The following RFX3 variants were observed in gnomAD, a reference collection of about 807,000 sequenced individuals.
RFX3 encodes transcription factor RFX3.
In RFX3, 14 loss-of-function variants were observed where a neutral mutation model predicts 98.6. The ratio of observed to expected loss-of-function variants is 0.14; its 90% CI spans 0.09 to 0.22. The LOEUF is 0.22. RFX3 is among the 10% of genes least tolerant of loss of function. RFX3 has a pLI of 1.00. For missense variants in RFX3, 639 were observed against 926.9 expected (o/e 0.69, Z 4.03); for synonymous variants, 383 against 328.4 (o/e 1.17, Z -1.80).
rs889506629 is a variant in RFX3 at position 3,394,939 on chromosome 9, A to T, written c.117+533T>A. 1.2e-5 allele frequency: 6 copies of T among 520,354 alleles called. No homozygotes were observed. In the African/African-American group the frequency reaches 1.2e-4, roughly 11 times the overall value. 32.2% of individuals were successfully genotyped at this position (520,354 alleles called of 1,614,324 possible). ...GATGAATTCACTCCCAACTTTTTAA[A>T]TAGCTTGAGTCAGATCTCCAGACCT... On this transcript the variant is annotated intron_variant, in intron 2 of 16. Transcript: ENST00000617270.
intron 16 of RFX3, among the ~76,000 whole-genome samples, chr9:3,225,961 G>A (rs1817714918): frequency 6.6e-6 from 1 of 152,112 alleles, no homozygotes; most frequent in African/African-American, 2.4e-5. Flanking sequence ...GAAATTAAAT[G>A]CATTATATAG....
At chr9:3,298,150 G>A (rs1390669266) in intron 5 of RFX3, among the ~76,000 whole-genome samples, 9 of 151,594 alleles carry the variant, frequency 5.9e-5, no homozygotes, top group Non-Finnish European at 1.3e-4. Context: ...CAAATCTAAA[G>A]TACCATTCTA....
rs998616277 is a variant in RFX3, at chr9:3,514,458, TTTTGTTTTGC to T, written c.-9+11279_-9+11288del. ...CCAAGTTGTGTTTTGTTTTGTTTTGTTTTGTTTTGCTTTGTTTTTTTGAGACAGGGTTTCC... is the reference window on the plus strand; with the variant it reads ...CCAAGTTGTGTTTTGTTTTGTTTTGTTTTGTTTTTTTGAGACAGGGTTTCC... On this transcript the variant is annotated intron_variant, in intron 1 of 16. Transcript: ENST00000617270. 5.9e-5 allele frequency among the ~76,000 whole-genome samples: 9 copies of T among 151,678 alleles called. No individual in the cohort carries two copies. In the East Asian group the frequency reaches 7.7e-4, roughly 13 times the overall value.
intron 1 of RFX3, among the ~76,000 whole-genome samples, chr9:3,504,397 GTATATAAAATATATATTATATA>G (rs1816479877): frequency 7.9e-6 from 1 of 126,148 alleles, no homozygotes; most frequent in African/African-American, 3.2e-5. Context: ...AGCATATATT[GTATATAAAATATATATTATATA>G]CCACATAGTA....
At chr9:3,383,480 G>C (rs1234352203) in intron 2 of RFX3, among the ~76,000 whole-genome samples, 1 of 151,956 alleles carries the variant, frequency 6.6e-6, no homozygotes, top group African/African-American at 2.4e-5. Context: ...TCATCTGACT[G>C]CTTTATCTCT....
At chr9:3,493,439 C>T (rs1056901405) in intron 1 of RFX3, among the ~76,000 whole-genome samples, 1 of 151,956 alleles carries the variant, frequency 6.6e-6, no homozygotes, top group Admixed American at 6.6e-5. Flanking sequence ...AATCCCAGCA[C>T]TTTGGGAGGC....
At chr9:3,411,647 TG>T (rs1386226966) in intron 1 of RFX3, among the ~76,000 whole-genome samples, 3 of 150,704 alleles carry the variant, frequency 2.0e-5, no homozygotes, top group African/African-American at 7.4e-5. Context: ...AGCTAATTTT[TG>T]TGTGTGTGTG....
intron 1 of RFX3, among the ~76,000 whole-genome samples, chr9:3,506,137 C>T (rs538129194): frequency 4.0e-5 from 6 of 150,570 alleles, no homozygotes; most frequent in African/African-American, 1.5e-4. Context: ...CTCATCATCT[C>T]GAGAGATGGT....
chr9:3,249,173 A>C (rs1420364171), intron 14 of RFX3, among the ~76,000 whole-genome samples: 1 of 152,180 alleles, frequency 6.6e-6, no homozygotes, highest in Admixed American at 6.6e-5. Flanking sequence ...GCCTCGTTTT[A>C]CAGTAAAGAA....
At chr9:3,294,545 C>A (rs762502471) in intron 5 of RFX3, among the ~76,000 whole-genome samples, 3 of 152,044 alleles carry the variant, frequency 2.0e-5, no homozygotes, top group African/African-American at 2.4e-5. Flanking sequence ...TAAAAAATTT[C>A]TCCATTTTAC....
At chr9:3,251,941 C>T (rs1264582560) in intron 14 of RFX3, among the ~76,000 whole-genome samples, 1 of 151,698 alleles carries the variant, frequency 6.6e-6, no homozygotes, top group Non-Finnish European at 1.5e-5. Context: ...CTCTGCCTCC[C>T]GGGTTCAAGC....
At chr9:3,288,344 T>G in intron 6 of RFX3, 94 bp from the exon 7 acceptor site, 2 of 1,179,342 alleles carry the variant, frequency 1.7e-6, no homozygotes, top group Non-Finnish European at 2.5e-6. Context: ...TTGGAAAAAT[T>G]TGGTAAAAAC....
At chr9:3,375,169 T>A (rs907041078) in intron 2 of RFX3, among the ~76,000 whole-genome samples, 1 of 152,210 alleles carries the variant, frequency 6.6e-6, no homozygotes, top group African/African-American at 2.4e-5. Flanking sequence ...AAATACAAAA[T>A]TCTTCAGATT....
At chr9:3,497,559 G>T (rs1461651046) in intron 1 of RFX3, among the ~76,000 whole-genome samples, 4 of 151,828 alleles carry the variant, frequency 2.6e-5, no homozygotes, top group Non-Finnish European at 5.9e-5. Flanking sequence ...GAACTAGGAT[G>T]CCTCATACTA....
chr9:3,281,752 A>G (rs1253730429), intron 7 of RFX3, among the ~76,000 whole-genome samples: 1 of 151,830 alleles, frequency 6.6e-6, no homozygotes, highest in Non-Finnish European at 1.5e-5. Flanking sequence ...ATCTTCCTCC[A>G]TGGGGTTAGT....
chr9:3,516,971 G>T (rs1818244631), intron 1 of RFX3, among the ~76,000 whole-genome samples: 1 of 152,238 alleles, frequency 6.6e-6, no homozygotes, highest in Non-Finnish European at 1.5e-5. Flanking sequence ...CATTGAAATG[G>T]TGGAACCTTC....
At chr9:3,394,950 C>G in intron 2 of RFX3, 3 of 383,896 alleles carry the variant, frequency 7.8e-6, no homozygotes, top group Non-Finnish European at 1.1e-5. Context: ...TAGCTTGAGT[C>G]AGATCTCCAG....
At chr9:3,323,426 A>G (rs550743002) in intron 4 of RFX3, among the ~76,000 whole-genome samples, 47 of 152,302 alleles carry the variant, frequency 3.1e-4, no homozygotes, top group Non-Finnish European at 5.3e-4. Context: ...TCTAATTTTT[A>G]TAAGTGAAGC....
chr9:3,423,778 C>CATATACATATATATAT (rs1491553405), intron 1 of RFX3, among the ~76,000 whole-genome samples: 2 of 111,056 alleles, frequency 1.8e-5, no homozygotes, highest in African/African-American at 6.4e-5. Flanking sequence ...TATATATTTT[C>CATATACATATATATAT]ATATATATAT....
Sources: allele counts gnomAD v4.1 joint callset (sites outside exome capture counted in the v4.1 genomes callset), GRCh38; gene constraint gnomAD v4.1.1; transcripts MANE v1.5; gene names NCBI Gene and HGNC (gene_info 2026-07-23, HGNC 2026-07-21).